The following KCTD1 variants were observed in gnomAD, a reference collection of about 807,000 sequenced individuals.
KCTD1 encodes potassium channel tetramerization domain containing 1.
KCTD1 carries 24 observed loss-of-function variants against 66.0 expected under a neutral mutation model. That is an observed-to-expected ratio of 0.36 (90% CI 0.26 to 0.51). KCTD1 has a LOEUF of 0.51. Ranked by LOEUF, KCTD1 falls within the 20% of genes least tolerant of loss-of-function variation. The pLI is 0.95. For missense variants in KCTD1, 943 were observed against 1,205.2 expected (o/e 0.78, Z 3.22); for synonymous variants, 511 against 517.2 (o/e 0.99, Z 0.16).
intron 3 of KCTD1, among the ~76,000 whole-genome samples, chr18:26,465,958 C>A (rs141495861): frequency 6.6e-6 from 1 of 152,148 alleles, no homozygotes; most frequent in South Asian, 2.1e-4. Context: ...CAGCTGAGGC[C>A]GTGGTCTGGG....
chr18:26,589,823 G>A (rs373909603), intron 1 of KCTD1, among the ~76,000 whole-genome samples: 2 of 152,148 alleles, frequency 1.3e-5, no homozygotes, highest in East Asian at 3.9e-4. Context: ...GAGAGAAAGG[G>A]AAGTTTACTG....
At chr18:26,584,421 T>A (rs1228360996) in intron 1 of KCTD1, among the ~76,000 whole-genome samples, 1 of 152,262 alleles carries the variant, frequency 6.6e-6, no homozygotes, top group Non-Finnish European at 1.5e-5. Context: ...TAATTTCATC[T>A]GTTTCTTTTA....
At chr18:26,656,959 G>A (rs1158602927) in intron 1 of KCTD1, among the ~76,000 whole-genome samples, 58 of 149,530 alleles carry the variant, frequency 3.9e-4, no homozygotes, top group Non-Finnish European at 1.2e-4. Context: ...GCTGGCGCGC[G>A]GAGCGGCGGG....
intron 2 of KCTD1, among the ~76,000 whole-genome samples, chr18:26,482,784 G>T (rs1420082367): frequency 2.0e-5 from 3 of 152,196 alleles, no homozygotes; most frequent in African/African-American, 7.2e-5. Context: ...CAGAGGGAGG[G>T]CTCATCTGCA....
intron 2 of KCTD1, among the ~76,000 whole-genome samples, chr18:26,492,179 C>T (rs1233936701): frequency 6.6e-6 from 1 of 152,092 alleles, no homozygotes; most frequent in Non-Finnish European, 1.5e-5. Context: ...GAGGTTTATG[C>T]TGCAGTGAAC....
chr18:26,597,999 T>C (rs573462927), intron 1 of KCTD1, among the ~76,000 whole-genome samples: 30 of 152,172 alleles, frequency 2.0e-4, no homozygotes, highest in Non-Finnish European at 3.5e-4. Context: ...CCAGAACTTC[T>C]TGGAGAAATG....
At chr18:26,603,636 G>A (rs1216308874) in intron 1 of KCTD1, among the ~76,000 whole-genome samples, 7 of 151,694 alleles carry the variant, frequency 4.6e-5, no homozygotes, top group Non-Finnish European at 7.4e-5. Context: ...CCAGCTATTC[G>A]GCAGGCTGAG....
intron 1 of KCTD1, among the ~76,000 whole-genome samples, chr18:26,610,022 C>T (rs35474187): frequency 0.29 from 44,317 of 151,932 alleles, 7,445 homozygotes; most frequent in East Asian, 0.52. Flanking sequence ...TAAAAAAATG[C>T]TTCATTCAAA....
chr18:26,603,430 T>TA (rs57816578), intron 1 of KCTD1, among the ~76,000 whole-genome samples: 51,272 of 130,904 alleles, frequency 0.39, 9,613 homozygotes, highest in African/African-American at 0.43. Flanking sequence ...GAGACCCTGT[T>TA]AAAAAAAAAA....
chr18:26,537,001 T>C (rs937819211), intron 1 of KCTD1, among the ~76,000 whole-genome samples: 5 of 149,004 alleles, frequency 3.4e-5, no homozygotes, highest in African/African-American at 7.4e-5. Flanking sequence ...CTGAAAAAAA[T>C]AGTAAAATCC....
In KCTD1 at chr18:26,455,714, T is replaced by C. The variant is rs776196509; in HGVS notation, c.*29A>G. On this transcript the variant is annotated 3_prime_UTR_variant, in exon 5 of 5. Coordinates refer to ENST00000580059, the MANE Select transcript of KCTD1 (RefSeq NM_001142730.3). ...TGTTTGAGTTATTGGTTGTGTGTGT[T>C]TTCCTTTTTGCATAAGAAATATGTC... The C allele has an allele frequency of 4.3e-6, 7 of 1,613,906 alleles. No homozygotes were observed. The highest frequency in any genetic ancestry group is 5.1e-6 in the Non-Finnish European group (6 of 1,179,948).
chr18:26,587,316 AC>A (rs1341306518), intron 1 of KCTD1, among the ~76,000 whole-genome samples: 1 of 152,220 alleles, frequency 6.6e-6, no homozygotes, highest in African/African-American at 2.4e-5. Flanking sequence ...ATTTTAAGCT[AC>A]CTGTTGAGAC....
At chr18:26,553,484 A>C (rs1159069607), upstream of KCTD1, among the ~76,000 whole-genome samples, 2 of 152,216 alleles carry the variant, frequency 1.3e-5, no homozygotes, top group African/African-American at 4.8e-5. Context: ...CCCAATAAAT[A>C]TACGCACATT....
At chr18:26,656,129 C>G (rs933464959) in intron 1 of KCTD1, among the ~76,000 whole-genome samples, 1 of 152,164 alleles carries the variant, frequency 6.6e-6, no homozygotes, top group Non-Finnish European at 1.5e-5. Flanking sequence ...GCGCCCCGAG[C>G]GCTGGTTCAG....
chr18:26,548,945 G>C (rs1273171384), upstream of KCTD1: 1 of 986,896 alleles, frequency 1.0e-6, no homozygotes, highest in Non-Finnish European at 1.2e-6. Context: ...GCCGGCGAGA[G>C]GGCGGGACGG....
At chr18:26,460,569 C>G (rs952841577) in intron 3 of KCTD1, among the ~76,000 whole-genome samples, 3 of 152,120 alleles carry the variant, frequency 2.0e-5, no homozygotes, top group African/African-American at 7.2e-5. Flanking sequence ...TGGTGGACAG[C>G]TGGAAGGCTA....
chr18:26,596,239 G>A (rs1289574802), intron 1 of KCTD1, among the ~76,000 whole-genome samples: 1 of 152,024 alleles, frequency 6.6e-6, no homozygotes, highest in Admixed American at 6.6e-5. Context: ...TGGGATTAGT[G>A]CCCTTATAGG....
intron 1 of KCTD1, among the ~76,000 whole-genome samples, chr18:26,626,700 C>T (rs1271882572): frequency 2.0e-5 from 3 of 152,052 alleles, no homozygotes; most frequent in African/African-American, 4.8e-5. Flanking sequence ...GTTTTGAATT[C>T]CTAGCCTCAA....
intron 2 of KCTD1, among the ~76,000 whole-genome samples, chr18:26,496,513 A>T (rs1316324579): frequency 6.6e-6 from 1 of 152,140 alleles, no homozygotes; most frequent in African/African-American, 2.4e-5. Context: ...TGTCTCAGAA[A>T]CACCTCCTAA....
Sources: allele counts gnomAD v4.1 joint callset (sites outside exome capture counted in the v4.1 genomes callset), GRCh38; gene constraint gnomAD v4.1.1; transcripts MANE v1.5; gene names NCBI Gene and HGNC (gene_info 2026-07-23, HGNC 2026-07-21).